Variants in KCNB2 observed in about 807,000 individuals in gnomAD.
KCNB2 encodes delayed rectifier potassium channel protein.
KCNB2 carries 15 observed loss-of-function variants against 61.5 expected under a neutral mutation model. The ratio of observed to expected loss-of-function variants is 0.24; its 90% CI spans 0.16 to 0.38. The LOEUF (loss-of-function observed/expected upper bound fraction) is 0.38. Ranked by LOEUF, KCNB2 falls within the 10% of genes least tolerant of loss-of-function variation. The pLI is 1.00. For missense variants in KCNB2, 828 were observed against 1,125.2 expected, an observed-to-expected ratio of 0.74 and a Z score of 3.78; for synonymous variants, 457 against 446.0, an observed-to-expected ratio of 1.02 and a Z score of -0.31.
intron 2 of KCNB2, among the ~76,000 whole-genome samples, chr8:72,571,074 C>A (rs1167982794): frequency 1.3e-5 from 2 of 152,064 alleles, no homozygotes; most frequent in Non-Finnish European, 2.9e-5. Context: ...AGTATAAAAG[C>A]TATTAAGATT....
At chr8:72,598,368 G>T (rs1807234228) in intron 2 of KCNB2, among the ~76,000 whole-genome samples, 1 of 152,180 alleles carries the variant, frequency 6.6e-6, no homozygotes, top group South Asian at 2.1e-4. Context: ...TATCTCAATA[G>T]ATGCAGAAAA....
At chr8:72,629,442 C>G (rs1314847290) in intron 2 of KCNB2, among the ~76,000 whole-genome samples, 1 of 152,218 alleles carries the variant, frequency 6.6e-6, no homozygotes, top group Non-Finnish European at 1.5e-5. Context: ...AAACAAACTT[C>G]TCTTCCAGAA....
At chr8:72,767,006 C>T (rs1030361705) in intron 2 of KCNB2, among the ~76,000 whole-genome samples, 2 of 152,064 alleles carry the variant, frequency 1.3e-5, no homozygotes, top group Non-Finnish European at 2.9e-5. Context: ...GAAGCAAAAG[C>T]GGAAACCCCT....
In KCNB2 at chr8:72,920,945, G is replaced by A. The variant is rs540588367; in HGVS notation, c.580-14990G>A. 5.9e-5 allele frequency among the ~76,000 whole-genome samples: 9 copies of A among 152,226 alleles called. No individual in the cohort carries two copies. The South Asian group carries it at 1.2e-3, about 21-fold the overall frequency. ...AGAAACTATAGATAAGGTATACACA[G>A]GGGTATAACAGGTAGATAAGTTGTA... is the stretch of plus-strand genomic sequence containing the variant. On this transcript the variant is annotated intron_variant, in intron 2 of 2. Transcript: ENST00000523207.
At chr8:72,684,447 G>C (rs963744523) in intron 2 of KCNB2, among the ~76,000 whole-genome samples, 1 of 152,136 alleles carries the variant, frequency 6.6e-6, no homozygotes, top group African/African-American at 2.4e-5. Context: ...GTGGGTAGGA[G>C]TAAGGGGTGT....
intron 2 of KCNB2, among the ~76,000 whole-genome samples, chr8:72,690,366 C>T (rs1456954358): frequency 6.6e-6 from 1 of 152,194 alleles, no homozygotes; most frequent in Non-Finnish European, 1.5e-5. Context: ...GCTGTCATTA[C>T]CAAATGTCAT....
chr8:72,643,861 C>G lies in KCNB2; in HGVS notation c.579+75548C>G, dbSNP rs1483629634. Among the ~76,000 whole-genome samples the G allele has an allele frequency of 3.9e-5, 6 of 152,102 alleles. No homozygotes were observed. In the East Asian group the frequency reaches 9.7e-4, roughly 25 times the overall value. ...TGTAAGGAAAACACCACCCCGTACT[C>G]AAGGAAAATATGAACCCTTCAAAAA... On this transcript the variant is annotated intron_variant, in intron 2 of 2. Transcript: ENST00000523207.
rs538141487 is a variant in KCNB2, at chr8:72,565,587, C to T, written c.-93-2055C>T. On this transcript the variant is annotated intron_variant, in intron 1 of 2. Transcript: ENST00000523207. ...AATAACAGATCAATAAGAGGGACTA[C>T]AAGAGCAGTAATGCTTTAAAGAATT... Among the ~76,000 whole-genome samples, 26 of 151,958 alleles carry T rather than the reference C, an allele frequency of 1.7e-4. 1 individual carries two copies. In the South Asian group the frequency reaches 5.4e-3, roughly 32 times the overall value.
At position 72,716,077 on chromosome 8, in the gene KCNB2, T is replaced by A. The variant is rs1807432832; in HGVS notation, c.579+147764T>A. ...GAAAATCTAGAAGAAATGGATAAATTCCTTGACACATACACCCTCCCAAGA... is the reference window on the plus strand; with the variant it reads ...GAAAATCTAGAAGAAATGGATAAATACCTTGACACATACACCCTCCCAAGA... On this transcript the variant is annotated intron_variant, in intron 2 of 2. Transcript: ENST00000523207. Among the ~76,000 whole-genome samples the A allele has an allele frequency of 2.0e-5, 3 of 152,252 alleles. No individual in the cohort carries two copies. The South Asian group carries it at 6.2e-4, about 32-fold the overall frequency.
At chr8:72,584,887 C>T (rs1293997056) in intron 2 of KCNB2, among the ~76,000 whole-genome samples, 1 of 152,154 alleles carries the variant, frequency 6.6e-6, no homozygotes, top group Non-Finnish European at 1.5e-5. Flanking sequence ...TTGCTCCTTT[C>T]TCTCTCCCCA....
At chr8:72,913,150 T>C (rs1052815060) in intron 2 of KCNB2, among the ~76,000 whole-genome samples, 1 of 152,194 alleles carries the variant, frequency 6.6e-6, no homozygotes, top group African/African-American at 2.4e-5. Flanking sequence ...CTATATAAAA[T>C]ATACAGTTTC....
chr8:72,937,286 A>C lies in KCNB2; in HGVS notation c.1931A>C (p.Gln644Pro), dbSNP rs1298852973. ...PTDLPGTEEH[Q>P]RARGPPFLTL... ...GACCTCCCAGGGACAGAAGAGCACC[A>C]AAGAGCTAGGGGCCCCCCGTTTCTA... Residue 644 changes from glutamine (Q) to proline (P), a missense_variant, in exon 3 of 3, where the codon CAA becomes CCA. Gln to Pro is a moderately conservative substitution (Grantham distance 76). This residue lies in a region of KCNB2 where 559 missense variants were observed against 588.4 expected (regional missense o/e 0.95). Coordinates refer to ENST00000523207, the MANE Select transcript of KCNB2 (RefSeq NM_004770.3). 6.2e-7 allele frequency: 1 copy of C among 1,613,920 alleles called. No individual in the cohort carries two copies. The highest frequency in any genetic ancestry group is 2.2e-5 in the East Asian group (1 of 44,838).
intron 2 of KCNB2, among the ~76,000 whole-genome samples, chr8:72,840,518 C>T (rs1473793561): frequency 2.6e-5 from 4 of 152,206 alleles, no homozygotes; most frequent in Admixed American, 2.6e-4. Flanking sequence ...ATTTACTCTC[C>T]CACCAACAGT....
intron 2 of KCNB2, among the ~76,000 whole-genome samples, chr8:72,922,979 C>T (rs1806552996): frequency 7.0e-6 from 1 of 143,426 alleles, no homozygotes; most frequent in Admixed American, 7.3e-5. Flanking sequence ...GTAAGATGTA[C>T]ATTGGTTTTG....
At chr8:72,582,787 A>G (rs943893968) in intron 2 of KCNB2, among the ~76,000 whole-genome samples, 3 of 152,034 alleles carry the variant, frequency 2.0e-5, no homozygotes, top group African/African-American at 7.2e-5. Context: ...TAATTTTTAA[A>G]AAATTATTTT....
intron 2 of KCNB2, among the ~76,000 whole-genome samples, chr8:72,851,826 G>GGAAAAAA (rs1303050547): frequency 2.3e-5 from 1 of 43,868 alleles, no homozygotes; most frequent in Admixed American, 4.2e-4. Context: ...GAAGCTGTAG[G>GGAAAAAA]AAAAAAAAAA....
chr8:72,597,881 G>A (rs186854454), intron 2 of KCNB2, among the ~76,000 whole-genome samples: 66 of 152,328 alleles, frequency 4.3e-4, no homozygotes, highest in Non-Finnish European at 7.6e-4. Context: ...CTGATGGTAG[G>A]AGTGTAAATT....
intron 2 of KCNB2, among the ~76,000 whole-genome samples, chr8:72,716,686 A>G (rs1807447900): frequency 6.6e-6 from 1 of 152,138 alleles, no homozygotes; most frequent in South Asian, 2.1e-4. Flanking sequence ...GCTATCTATG[A>G]CAAACCCACA....
At chr8:72,871,600 C>G (rs987512821) in intron 2 of KCNB2, among the ~76,000 whole-genome samples, 28 of 152,232 alleles carry the variant, frequency 1.8e-4, no homozygotes, top group African/African-American at 6.5e-4. Flanking sequence ...CAGGTACTTA[C>G]AAATTGAACT....
Sources: allele counts gnomAD v4.1 joint callset (sites outside exome capture counted in the v4.1 genomes callset), GRCh38; gene constraint gnomAD v4.1.1; regional missense constraint gnomAD v4.1.1; transcripts MANE v1.5; gene names NCBI Gene and HGNC (gene_info 2026-07-23, HGNC 2026-07-21).